Variants in SPIRE1 observed in about 807,000 individuals in gnomAD.
SPIRE1 encodes spire type actin nucleation factor 1.
In SPIRE1, 40 loss-of-function variants were observed where a neutral mutation model predicts 94.1. The ratio of observed to expected loss-of-function variants is 0.43; its 90% confidence interval spans 0.33 to 0.55. The LOEUF (loss-of-function observed/expected upper bound fraction) is 0.55, where lower values mean the gene tolerates loss of function less well. SPIRE1 is among the 20% of genes least tolerant of loss of function. The pLI is 0.06. For missense variants in SPIRE1, 838 were observed against 975.2 expected, an observed-to-expected ratio of 0.86 and a Z score of 1.87; for synonymous variants, 376 against 371.7, an observed-to-expected ratio of 1.01 and a Z score of -0.13.
chr18:12,591,697 G>A (rs2036539190), intron 2 of SPIRE1, among the ~76,000 whole-genome samples: 1 of 152,124 alleles, frequency 6.6e-6, no homozygotes, highest in South Asian at 2.1e-4. Flanking sequence ...ATTAAGAATA[G>A]GCTAGCGTGG....
intron 1 of SPIRE1, among the ~76,000 whole-genome samples, chr18:12,641,374 CTTTT>C (rs67745102): frequency 7.0e-6 from 1 of 143,748 alleles, no homozygotes; most frequent in African/African-American, 2.6e-5. Context: ...TTCTTTTTTT[CTTTT>C]TTTTTTTTTG....
intron 3 of SPIRE1, among the ~76,000 whole-genome samples, chr18:12,537,359 CA>C (rs1345913619): frequency 2.6e-5 from 4 of 152,146 alleles, no homozygotes; most frequent in Admixed American, 2.6e-4. Context: ...AAAGAAATGG[CA>C]TAAAGCCACT....
intron 2 of SPIRE1, among the ~76,000 whole-genome samples, chr18:12,564,991 G>A (rs866656925): frequency 6.6e-6 from 1 of 151,998 alleles, no homozygotes; most frequent in South Asian, 2.1e-4. Context: ...GAAAGAAAAA[G>A]AAAAGAAAAG....
chr18:12,505,676 C>T (rs1020089538), intron 6 of SPIRE1, among the ~76,000 whole-genome samples: 3 of 151,850 alleles, frequency 2.0e-5, no homozygotes, highest in Non-Finnish European at 4.4e-5. Context: ...CATCTAGGAA[C>T]TTAAGGATTT....
At chr18:12,554,503 G>C (rs1300091226) in intron 2 of SPIRE1, among the ~76,000 whole-genome samples, 4 of 152,094 alleles carry the variant, frequency 2.6e-5, no homozygotes, top group African/African-American at 9.7e-5. Context: ...GTGATAAAAA[G>C]CTTCCCAGCA....
chr18:12,489,392 T>G (rs896560349), intron 8 of SPIRE1, among the ~76,000 whole-genome samples: 3 of 152,224 alleles, frequency 2.0e-5, no homozygotes, highest in African/African-American at 4.8e-5. Flanking sequence ...ATCTTTTTAT[T>G]CTGCTCTTTT....
Position 12,452,264 on chromosome 18 carries a change from C to T in SPIRE1, c.2003G>A (p.Ser668Asn). 1.9e-6 allele frequency: 3 copies of T among 1,613,834 alleles called. No individual in the cohort carries two copies. The highest frequency in any genetic ancestry group is 2.5e-6 in the Non-Finnish European group (3 of 1,179,962). ...CAGGCCCCTTGCTCACCTGGCAATG[C>T]TCCGAAGTGGCCGATGATGGGCAGT... Reference protein sequence around the residue: ...PSTAHHRPLRSIARFSSKSKS... With the variant: ...PSTAHHRPLRNIARFSSKSKS... Residue 668 changes from serine (S) to asparagine (N), a missense_variant, in exon 16 of 17, where the codon AGC becomes AAC. By Grantham distance (46) the Ser-to-Asn change is conservative. Around this residue, in one of 2 missense-constraint regions of SPIRE1, gnomAD observed 645 missense variants for 804.7 expected, o/e 0.80. Transcript: ENST00000409402.
At chr18:12,499,570 C>CAT (rs1357981010) in intron 6 of SPIRE1, among the ~76,000 whole-genome samples, 2 of 149,898 alleles carry the variant, frequency 1.3e-5, no homozygotes, top group Non-Finnish European at 1.5e-5. Context: ...TACCTTGCAC[C>CAT]ATATATATAA....
At chr18:12,658,537 C>T (rs1008005602), upstream of SPIRE1, 17 of 470,344 alleles carry the variant, frequency 3.6e-5, no homozygotes, top group African/African-American at 2.4e-4. Flanking sequence ...CACCGCCCTG[C>T]ACAGCGGGAG....
upstream of SPIRE1, among the ~76,000 whole-genome samples, chr18:12,659,837 G>A (rs566387659): frequency 5.2e-4 from 79 of 152,020 alleles, 1 homozygote; most frequent in African/African-American, 1.8e-3. Flanking sequence ...AGCCCAGAGA[G>A]GCAAACATGT....
intron 2 of SPIRE1, among the ~76,000 whole-genome samples, chr18:12,579,598 T>C (rs2036204360): frequency 6.6e-6 from 1 of 152,210 alleles, no homozygotes. Flanking sequence ...CACTGAACTA[T>C]ACAATCAAGA....
At chr18:12,538,025 G>A (rs1409445963) in intron 3 of SPIRE1, among the ~76,000 whole-genome samples, 1 of 152,064 alleles carries the variant, frequency 6.6e-6, no homozygotes, top group African/African-American at 2.4e-5. Context: ...GGAATTGCAA[G>A]GGGCCCCTTG....
intron 2 of SPIRE1, among the ~76,000 whole-genome samples, chr18:12,633,381 A>G (rs754873433): frequency 3.3e-5 from 5 of 152,164 alleles, no homozygotes; most frequent in Admixed American, 1.3e-4. Flanking sequence ...GTTTGAGACC[A>G]GCCTGGCCAA....
At chr18:12,533,804 C>G (rs368177175) in intron 4 of SPIRE1, among the ~76,000 whole-genome samples, 1 of 152,062 alleles carries the variant, frequency 6.6e-6, no homozygotes, top group East Asian at 1.9e-4. Context: ...GTAACGACAG[C>G]CTTAAAAAGT....
chr18:12,630,328 T>C (rs1222144972), intron 2 of SPIRE1, among the ~76,000 whole-genome samples: 1 of 152,160 alleles, frequency 6.6e-6, no homozygotes, highest in African/African-American at 2.4e-5. Flanking sequence ...CATAATATGC[T>C]GCACGTATAA....
chr18:12,488,095 C>G (rs1326041509), intron 8 of SPIRE1, among the ~76,000 whole-genome samples: 1 of 152,216 alleles, frequency 6.6e-6, no homozygotes, highest in Non-Finnish European at 1.5e-5. Context: ...ATTCCAAAAA[C>G]TAAATCTACC....
chr18:12,534,321 T>C (rs2034777243), intron 4 of SPIRE1, among the ~76,000 whole-genome samples: 1 of 152,214 alleles, frequency 6.6e-6, no homozygotes, highest in East Asian at 1.9e-4. Flanking sequence ...CTGTGGGTCA[T>C]GGTAAGTTTT....
intron 12 of SPIRE1, among the ~76,000 whole-genome samples, chr18:12,461,558 C>CATGCATATGTATATACATACATGT (rs1568184217): frequency 6.8e-6 from 1 of 147,878 alleles, no homozygotes; most frequent in South Asian, 2.1e-4. Flanking sequence ...TACATACATG[C>CATGCATATGTATATACATACATGT]GTGTATATGT....
intron 14 of SPIRE1, 140 bp from the exon 15 acceptor site, chr18:12,452,652 T>G: frequency 1.2e-6 from 1 of 854,106 alleles, no homozygotes; most frequent in Non-Finnish European, 1.9e-6. Flanking sequence ...TGTAACAAAT[T>G]GACACACTGA....
Sources: gnomAD v4.1 joint callset for allele counts (sites outside exome capture counted in the v4.1 genomes callset) on GRCh38, gnomAD v4.1.1 for gene constraint, gnomAD v4.1.1 regional missense constraint, MANE v1.5 for transcripts, NCBI Gene and HGNC (gene_info 2026-07-23, HGNC 2026-07-21) for gene names.